TEX11: variants seen among roughly 807,000 people sequenced by gnomAD.
TEX11 encodes the protein testis-expressed protein 11.
TEX11 carries 7 observed loss-of-function variants against 84.4 expected under a neutral mutation model. The ratio of observed to expected loss-of-function variants is 0.08; its 90% CI spans 0.05 to 0.16. The LOEUF (loss-of-function observed/expected upper bound fraction) is 0.16. TEX11 is among the 10% of genes least tolerant of loss of function. The pLI is 1.00. For missense variants in TEX11, 551 were observed against 660.5 expected (o/e 0.83, Z 1.82); for synonymous variants, 264 against 222.8 (o/e 1.18, Z -1.64).
rs756754046 is a variant in TEX11 at position 70,645,936 on chromosome X, G to A, written c.1483+5514C>T. On this transcript the variant is annotated intron_variant, in intron 17 of 29. Coordinates refer to ENST00000374333, the MANE Select transcript of TEX11 (RefSeq NM_031276.3). ...AAAAAAAAAATACTGACGTTTCCAC[G>A]GAAGCAAAAAGACCCTGACTAGCTA... Among the ~76,000 whole-genome samples the A allele has an allele frequency of 9.9e-5, 11 of 111,045 alleles. No homozygotes were observed. In the East Asian group the frequency reaches 1.4e-3, roughly 14 times the overall value.
chrX:70,525,616 TGCTAGACCCTGG>T (rs2087815299), downstream of TEX11, among the ~76,000 whole-genome samples: 1 of 109,084 alleles, frequency 9.2e-6, no homozygotes, highest in Middle Eastern at 4.4e-3. Context: ...CCAGGCACTG[TGCTAGACCCTGG>T]GATTATACAA....
chrX:70,539,038 A>ATATATATATATATTT lies in TEX11; in HGVS notation c.2521-9040_2521-9039insAAATATATATATATA. Among the ~76,000 whole-genome samples the ATATATATATATATTT allele has an allele frequency of 5.6e-3, 231 of 41,229 alleles. 8 individuals are homozygous for ATATATATATATATTT. The highest frequency in any genetic ancestry group is 0.021 in the South Asian group (8 of 390). 35.8% of individuals were successfully genotyped at this position (41,229 alleles called of 115,157 possible). ...CTTGGAAATATATATATATATATAT[A>ATATATATATATATTT]TTTTTTTTTTTTTTAAGATGGAGTC... On this transcript the variant is annotated intron_variant, in intron 28 of 29. Transcript: ENST00000374333.
chrX:70,673,108 G>A (rs1380357516), intron 15 of TEX11: 2 of 112,210 alleles, frequency 1.8e-5, no homozygotes, highest in Admixed American at 9.5e-5. Context: ...CCTCTACTAT[G>A]TTTTGTTGTT....
chrX:70,522,224 ACT>A, the TEX11 span, among the ~76,000 whole-genome samples: 3 of 111,791 alleles, frequency 2.7e-5, no homozygotes, highest in Non-Finnish European at 5.6e-5. Flanking sequence ...AGTTACTTAA[ACT>A]CTCTGAGCTT....
intron 7 of TEX11, among the ~76,000 whole-genome samples, chrX:70,848,744 G>T (rs1177492621): frequency 9.0e-6 from 1 of 111,486 alleles, no homozygotes; most frequent in Non-Finnish European, 1.9e-5. Flanking sequence ...GTGAACCAAA[G>T]TCCTTGATAT....
chrX:70,673,303 T>C (rs1403936827), intron 15 of TEX11: 1 of 110,938 alleles, frequency 9.0e-6, no homozygotes, highest in Non-Finnish European at 1.9e-5. Context: ...TATTTTTGTA[T>C]AGATGGTGCT....
chrX:70,740,678 A>G lies in TEX11; in HGVS notation c.843+23T>C, dbSNP rs372657003. 5 of 1,062,418 alleles carry G rather than the reference A, an allele frequency of 4.7e-6. No homozygotes were observed. In the African/African-American group the frequency reaches 5.6e-5, roughly 12 times the overall value. The allele number at this position is 1,062,418 out of a possible 1,213,427, so 87.6% of individuals were successfully genotyped here. On this transcript the variant is annotated intron_variant, in intron 11 of 29. Transcript: ENST00000374333. ...ACTTCAAAAAATACATTAAGTTAGT[A>G]TTCAAAAATACAAGCCCCATACCTT...
chrX:70,607,577 CA>C (rs200493428), intron 22 of TEX11, among the ~76,000 whole-genome samples: 171 of 92,627 alleles, frequency 1.8e-3, no homozygotes, highest in Admixed American at 2.8e-3. Flanking sequence ...AACTCCGTCT[CA>C]AAAAAAAAAA....
chrX:70,551,818 A>G (rs774832412), intron 28 of TEX11, among the ~76,000 whole-genome samples: 33 of 112,077 alleles, frequency 2.9e-4, no homozygotes, highest in Non-Finnish European at 7.5e-5. Context: ...AACTTTTTTC[A>G]AAAGGTTCAT....
Position 70,678,909 on chromosome X carries a change from C to T in TEX11, c.1157-20G>A, listed in dbSNP as rs1214171727. On this transcript the variant is annotated intron_variant, in intron 14 of 29. Transcript: ENST00000374333. The stretch of plus-strand genomic sequence containing the variant: ...GGTGAGCTGAAAAAAAAAAAAAGCT[C>T]TGAAAATAAGAATCTCGGTCTATTG... The T allele has an allele frequency of 8.9e-7, 1 of 1,128,754 alleles. No individual in the cohort carries two copies. Among genetic ancestry groups the T allele is most frequent in the African/African-American group, 1.9e-5 (1 of 52,374 alleles). The allele number at this position is 1,128,754 out of a possible 1,213,427, so 93.0% of individuals were successfully genotyped here. A position where few individuals can be genotyped will look rare whatever the true frequency, so the allele number is the denominator to read the frequency against.
intron 2 of TEX11, among the ~76,000 whole-genome samples, chrX:70,887,324 TG>T (rs1222374426): frequency 9.0e-6 from 1 of 111,731 alleles, no homozygotes; most frequent in East Asian, 2.8e-4. Flanking sequence ...GGACCTAACC[TG>T]GGTCAGAGAA....
At chrX:70,621,572 A>ATATATG (rs1569360968) in intron 20 of TEX11, among the ~76,000 whole-genome samples, 1 of 73,744 alleles carries the variant, frequency 1.4e-5, no homozygotes, top group Non-Finnish European at 2.6e-5. Flanking sequence ...ATATATATAT[A>ATATATG]TATATAAATA....
intron 13 of TEX11, among the ~76,000 whole-genome samples, chrX:70,720,867 G>A (rs1365494948): frequency 1.9e-5 from 2 of 107,929 alleles, no homozygotes; most frequent in East Asian, 2.8e-4. Context: ...CACATCTCTC[G>A]CCACACCCAG....
At chrX:70,860,781 C>T in intron 5 of TEX11, 76 bp downstream of exon 5, 1 of 713,443 alleles carries the variant, frequency 1.4e-6, no homozygotes, top group Non-Finnish European at 2.1e-6. Flanking sequence ...CTTCCAGTTT[C>T]ACACTAACTT....
chrX:70,543,193 T>A (rs1335887184), intron 28 of TEX11, among the ~76,000 whole-genome samples: 2 of 109,406 alleles, frequency 1.8e-5, no homozygotes, highest in Non-Finnish European at 3.8e-5. Context: ...AAAAAATAAA[T>A]AAATAAAAAA....
chrX:70,593,869 G>A (rs1400764334), intron 24 of TEX11, among the ~76,000 whole-genome samples: 1 of 111,172 alleles, frequency 9.0e-6, no homozygotes, highest in African/African-American at 3.3e-5. Context: ...AATAAACCAA[G>A]CCTCAGTAAA....
intron 24 of TEX11, among the ~76,000 whole-genome samples, chrX:70,603,764 C>T (rs1419825602): frequency 9.1e-6 from 1 of 110,311 alleles, no homozygotes; most frequent in Non-Finnish European, 1.9e-5. Flanking sequence ...AGTGAACAGG[C>T]AACCTACAAC....
At chrX:70,608,740 C>CAAA (rs61517512) in intron 22 of TEX11, among the ~76,000 whole-genome samples, 1 of 66,934 alleles carries the variant, frequency 1.5e-5, no homozygotes, top group African/African-American at 5.6e-5. Flanking sequence ...GACTCCATCT[C>CAAA]AAAAAAAAAA....
chrX:70,759,271 G>A (rs1569432250), intron 9 of TEX11, among the ~76,000 whole-genome samples: 1 of 111,617 alleles, frequency 9.0e-6, no homozygotes, highest in Non-Finnish European at 1.9e-5. Flanking sequence ...CATTTTATGA[G>A]GCCAACATCA....
Sources: allele counts gnomAD v4.1 joint callset (sites outside exome capture counted in the v4.1 genomes callset), GRCh38; gene constraint gnomAD v4.1.1; transcripts MANE v1.5; gene names NCBI Gene and HGNC (gene_info 2026-07-23, HGNC 2026-07-21).